ZNF541: variants seen among roughly 807,000 people sequenced by gnomAD.
The protein encoded by ZNF541 is zinc finger protein 541.
A neutral mutation model predicts 123.5 loss-of-function variants in ZNF541; 23 were observed. The observed-to-expected ratio is 0.19, with a 90% CI of 0.13 to 0.26. The LOEUF (loss-of-function observed/expected upper bound fraction) is 0.26, where lower values mean the gene tolerates loss of function less well. ZNF541 is among the 10% of genes least tolerant of loss of function. The pLI is 1.00. For synonymous variants in ZNF541, 751 were observed against 754.5 expected, an observed-to-expected ratio of 1.00 and a Z score of 0.08; for missense variants, 1,612 against 1,789.9, an observed-to-expected ratio of 0.90 and a Z score of 1.79.
chr19:47,525,151 T>C (rs1399774223), intron 14 of ZNF541, among the ~76,000 whole-genome samples: 2 of 151,516 alleles, frequency 1.3e-5, no homozygotes, highest in East Asian at 3.9e-4. Context: ...CAGGTGTGGT[T>C]GTGCGCACCT....
At chr19:47,522,267 C>T (rs1284939862) in intron 14 of ZNF541, among the ~76,000 whole-genome samples, 2 of 152,192 alleles carry the variant, frequency 1.3e-5, no homozygotes, top group Non-Finnish European at 2.9e-5. Flanking sequence ...GGAAGATGGG[C>T]ACAAAGGTTG....
intron 5 of ZNF541, among the ~76,000 whole-genome samples, chr19:47,543,473 C>T (rs1970169213): frequency 1.3e-5 from 2 of 151,824 alleles, no homozygotes; most frequent in Non-Finnish European, 2.9e-5. Flanking sequence ...AATCAGAAAA[C>T]ACATGGCCAT....
At chr19:47,554,966 C>T (rs1183691965) in intron 3 of ZNF541, among the ~76,000 whole-genome samples, 5 of 151,352 alleles carry the variant, frequency 3.3e-5, no homozygotes, top group South Asian at 2.1e-4. Flanking sequence ...TGGTGGCAGG[C>T]GCCTGTAATC....
chr19:47,553,454 G>A (rs1178675747), intron 3 of ZNF541, among the ~76,000 whole-genome samples: 1 of 143,710 alleles, frequency 7.0e-6, no homozygotes, highest in Non-Finnish European at 1.5e-5. Context: ...CTGTTGCCAG[G>A]CTGGAGTGCT....
chr19:47,570,326 C>T (rs1029018699), intron 2 of ZNF541, among the ~76,000 whole-genome samples: 2 of 150,530 alleles, frequency 1.3e-5, no homozygotes, highest in African/African-American at 2.4e-5. Flanking sequence ...GCCTGTAATC[C>T]CAGCACTTTG....
intron 2 of ZNF541, among the ~76,000 whole-genome samples, chr19:47,571,043 TA>T (rs2123451098): frequency 6.6e-6 from 1 of 151,882 alleles, no homozygotes; most frequent in East Asian, 1.9e-4. Flanking sequence ...GACACGCATC[TA>T]AAAGAAAGAA....
chr19:47,537,527 G>A (rs1417128272), intron 9 of ZNF541, among the ~76,000 whole-genome samples: 1 of 144,194 alleles, frequency 6.9e-6, no homozygotes, highest in Non-Finnish European at 1.5e-5. Context: ...TCACGCCACT[G>A]CACTCTGGCC....
Position 47,545,740 on chromosome 19 carries a change from C to G in ZNF541, c.789G>C (p.Arg263Ser). ...GGTGGGGCAGGAGGGAGCCGGGGGA[C>G]CTGGCCTCTGGGGGCACCAGGGACC... ...SLRSLVPPEA[R>S]SPGSLLPHRD... Residue 263 changes from arginine to serine, a missense_variant, in exon 5 of 17, where the codon AGG becomes AGC. Physicochemically the swap from Arg to Ser is moderately radical, Grantham distance 110. Transcript: ENST00000391901. The surrounding 1 kb of genome is among the most constrained non-coding windows in gnomAD (Gnocchi z 7.5). 1 of 1,544,836 alleles carries G rather than the reference C, an allele frequency of 6.5e-7. No individual in the cohort carries two copies. The highest frequency in any genetic ancestry group is 1.2e-5 in the South Asian group (1 of 84,002).
At chr19:47,546,021 G>A in intron 4 of ZNF541, 41 bp from the exon 5 acceptor site, 1 of 1,433,602 alleles carries the variant, frequency 7.0e-7, no homozygotes, top group Non-Finnish European at 9.2e-7. Context: ...GGGGCACCTG[G>A]GACCGGGCTT....
chr19:47,564,374 T>G (rs775764894), intron 2 of ZNF541, among the ~76,000 whole-genome samples: 25 of 152,340 alleles, frequency 1.6e-4, no homozygotes, highest in Middle Eastern at 3.4e-3. Context: ...CTACCGATAC[T>G]GAGCTTCCTT....
chr19:47,532,851 G>T, intron 10 of ZNF541, 58 bp downstream of exon 10: 1 of 1,510,750 alleles, frequency 6.6e-7, no homozygotes, highest in Non-Finnish European at 9.0e-7. Context: ...CTTGGGAAAA[G>T]TGACACTAGA....
In ZNF541 at chr19:47,555,567, G is replaced by C. The variant is rs543995994; in HGVS notation, c.290C>G (p.Ser97Cys). The change falls in exon 3 of 17, where the codon TCT (serine) becomes TGT (cysteine). Residue 97 changes from serine (S) to cysteine (C), a missense_variant. By Grantham distance (112) the Ser-to-Cys change is moderately radical. Around this residue, in one of 5 missense-constraint regions of ZNF541, gnomAD observed 212 missense variants for 289.6 expected, o/e 0.73. Coordinates refer to ENST00000391901, the MANE Select transcript of ZNF541 (RefSeq NM_001277075.3). ...AGCCTCACCTTGTAAGGATGCCTGA[G>C]ACTCCGAATCTGCGTACTCCTCCAG... is the stretch of plus-strand genomic sequence containing the variant. ...KLLEEYADSE[S>C]QASLQDLGLG... 4.5e-6 allele frequency: 7 copies of C among 1,545,180 alleles called. No homozygotes were observed. Among genetic ancestry groups the C allele is most frequent in the Non-Finnish European group, 6.1e-6 (7 of 1,142,258 alleles).
intron 5 of ZNF541, 88 bp from the exon 6 acceptor site, chr19:47,541,039 G>C: frequency 7.9e-7 from 1 of 1,268,720 alleles, no homozygotes; most frequent in South Asian, 1.4e-5. Flanking sequence ...GAAAACATCA[G>C]AGTAAATCTT....
Position 47,545,784 on chromosome 19 carries a change from G to T in ZNF541, c.745C>A (p.Pro249Thr). 6.5e-7 allele frequency: 1 copy of T among 1,540,608 alleles called. No individual in the cohort carries two copies. The highest frequency in any genetic ancestry group is 8.7e-7 in the Non-Finnish European group (1 of 1,143,562). ...AGGGACCGCAGGCTGCTGGGGGGCG[G>T]CTGGCCGGCCGACTCGTGGGCGTGG... ...SPHAHESAGQ[P>T]PPSSLRSLVP... Residue 249 changes from proline to threonine, a missense_variant, in exon 5 of 17, where the codon CCG (proline) becomes ACG (threonine). Physicochemically the swap from Pro to Thr is conservative, Grantham distance 38 (BLOSUM62 -1). This residue lies in a region of ZNF541 where 1,080 missense variants were observed against 1,013.8 expected (regional missense o/e 1.07). Coordinates refer to ENST00000391901, the MANE Select transcript of ZNF541 (RefSeq NM_001277075.3). This position sits in a 1 kb window ranked among gnomAD's most constrained non-coding sequence, Gnocchi z 7.5.
chr19:47,527,292 G>A (rs1969342982), intron 14 of ZNF541, among the ~76,000 whole-genome samples: 1 of 152,080 alleles, frequency 6.6e-6, no homozygotes. Flanking sequence ...TCAAAACTTA[G>A]CAAATCTTAT....
intron 2 of ZNF541, among the ~76,000 whole-genome samples, chr19:47,567,756 A>G (rs1374780900): frequency 6.6e-6 from 1 of 152,136 alleles, no homozygotes; most frequent in African/African-American, 2.4e-5. Context: ...ACCACTCCCT[A>G]TTCTCTCAGC....
At chr19:47,524,188 C>T (rs1041551787) in intron 14 of ZNF541, among the ~76,000 whole-genome samples, 2 of 152,226 alleles carry the variant, frequency 1.3e-5, no homozygotes, top group African/African-American at 4.8e-5. Flanking sequence ...CAGAACAAAA[C>T]TCAAGAATAT....
rs765418004 is a variant in ZNF541, at chr19:47,545,386, C to T, written c.1143G>A (p.Ala381=). The T allele has an allele frequency of 2.6e-6, 4 of 1,521,246 alleles. No homozygotes were observed. The highest frequency in any genetic ancestry group is 2.8e-5 in the African/African-American group (2 of 72,168). The allele number at this position is 1,521,246 out of a possible 1,614,324, so 94.2% of individuals were successfully genotyped here. ...DTALLQARST[A]ECWPEGGSVP... is the part of the protein sequence containing the mutation. ...CGGAGCCGCCTTCGGGCCAGCACTC[C>T]GCGGTGGACCGGGCCTGGAGCAGCG... The change falls in exon 5 of 17, where the codon GCG becomes GCA. Residue 381 remains alanine (A), a synonymous_variant. Transcript: ENST00000391901. The surrounding 1 kb of genome is among the most constrained non-coding windows in gnomAD (Gnocchi z 7.5).
chr19:47,565,518 A>G (rs1410675018), intron 2 of ZNF541, among the ~76,000 whole-genome samples: 1 of 152,160 alleles, frequency 6.6e-6, no homozygotes, highest in Non-Finnish European at 1.5e-5. Context: ...GGGCTCTACT[A>G]GAGGCCAGCT....
Sources: allele counts gnomAD v4.1 joint callset (sites outside exome capture counted in the v4.1 genomes callset), GRCh38; gene constraint gnomAD v4.1.1; regional missense constraint gnomAD v4.1.1; non-coding constraint Gnocchi (gnomAD v3.1); transcripts MANE v1.5; gene names NCBI Gene and HGNC (gene_info 2026-07-23, HGNC 2026-07-21).